KIAA0513: variants seen among roughly 807,000 people sequenced by gnomAD.
KIAA0513 encodes KIAA0513.
KIAA0513 carries 39 observed loss-of-function variants against 56.5 expected under a neutral mutation model. That is an observed-to-expected ratio of 0.69 (90% confidence interval 0.53 to 0.90). KIAA0513 has a LOEUF of 0.90. Among genes scored for constraint, KIAA0513 ranks in the 40% least tolerant of loss-of-function variants. The pLI, the probability that KIAA0513 is intolerant of heterozygous loss-of-function variation, is 0.00. For synonymous variants in KIAA0513, 268 were observed against 215.6 expected (o/e 1.24, Z -2.13); for missense variants, 591 against 535.2 (o/e 1.10, Z -1.03).
intron 1 of KIAA0513, among the ~76,000 whole-genome samples, chr16:85,060,706 T>G (rs2073391742): frequency 6.6e-6 from 1 of 151,862 alleles, no homozygotes; most frequent in African/African-American, 2.4e-5. Flanking sequence ...TAGCCAGGTG[T>G]GGTAGCACAT....
At chr16:85,040,818 A>T (rs932862840) in intron 1 of KIAA0513, among the ~76,000 whole-genome samples, 4 of 152,232 alleles carry the variant, frequency 2.6e-5, no homozygotes, top group African/African-American at 9.6e-5. Context: ...TAGAGAAGCC[A>T]TCTAGAGAAG....
In KIAA0513 at chr16:85,076,591, CCT is replaced by C. The variant is rs1212551099; in HGVS notation, c.574+683_574+684del. ...GCTAGGCCCTGGTCCCCCGTGCTTT[CCT>C]CTCTCGGGACCCGCGTGCTCACTCT... On this transcript the variant is annotated intron_variant, in intron 5 of 12. Transcript: ENST00000683363. The surrounding 1 kb of genome is among the most constrained non-coding windows in gnomAD (Gnocchi z 4.7). Among the ~76,000 whole-genome samples the C allele has an allele frequency of 2.0e-5, 3 of 152,242 alleles. No homozygotes were observed. Among genetic ancestry groups the C allele is most frequent in the Admixed American group, 6.5e-5 (1 of 15,298 alleles).
chr16:85,065,874 C>A (rs1185411793), intron 1 of KIAA0513, among the ~76,000 whole-genome samples: 1 of 152,184 alleles, frequency 6.6e-6, no homozygotes, highest in African/African-American at 2.4e-5. Flanking sequence ...GATTCAGATC[C>A]CAGCTCTGCC....
At position 85,081,272 on chromosome 16, in the gene KIAA0513, C is replaced by T. The variant is rs375519850; in HGVS notation, c.903-43C>T. On this transcript the variant is annotated intron_variant, in intron 8 of 12. Transcript: ENST00000683363. The surrounding 1 kb of genome is among the most constrained non-coding windows in gnomAD (Gnocchi z 4.4). ...AGGGGCCCACAACCCGTGTCCTCCC[C>T]GCCTCCCCTTGGAGAGAGTGTGACT... is the stretch of plus-strand genomic sequence containing the variant. 2.3e-5 allele frequency: 36 copies of T among 1,588,728 alleles called. No individual in the cohort carries two copies. In the African/African-American group the frequency reaches 2.6e-4, roughly 11 times the overall value.
chr16:85,079,922 G>A (rs1439209355), intron 8 of KIAA0513, among the ~76,000 whole-genome samples: 1 of 152,136 alleles, frequency 6.6e-6, no homozygotes, highest in Admixed American at 6.6e-5. Flanking sequence ...TGGTCGTGCT[G>A]CGTTAATCTC....
At position 85,081,341 on chromosome 16, in the gene KIAA0513, C is replaced by G. The variant is rs746182116; in HGVS notation, c.929C>G (p.Ala310Gly). 4.4e-6 allele frequency: 7 copies of G among 1,605,358 alleles called. No individual in the cohort carries two copies. The highest frequency in any genetic ancestry group is 6.0e-6 in the Non-Finnish European group (7 of 1,176,038). Residue 310 changes from alanine (A) to glycine (G), a missense_variant, in exon 9 of 13, where the codon GCC becomes GGC. Transcript: ENST00000683363. The surrounding 1 kb of genome is among the most constrained non-coding windows in gnomAD (Gnocchi z 4.4). ...IWHTLRFWNA[A>G]FFDAVHCERT... Reference sequence around the variant, plus strand: ...CACACTCTGAGGTTCTGGAATGCAGCCTTTTTTGACGCTGTCCATTGTGAG... The same window carrying G: ...CACACTCTGAGGTTCTGGAATGCAGGCTTTTTTGACGCTGTCCATTGTGAG...
At chr16:85,032,942 A>G (rs1317552599) in intron 1 of KIAA0513, among the ~76,000 whole-genome samples, 2 of 151,904 alleles carry the variant, frequency 1.3e-5, no homozygotes, top group Non-Finnish European at 1.5e-5. Flanking sequence ...CAGAGACCCT[A>G]TTTTCAATTA....
chr16:85,056,212 G>T (rs1257451623), intron 1 of KIAA0513, among the ~76,000 whole-genome samples: 1 of 152,220 alleles, frequency 6.6e-6, no homozygotes, highest in Non-Finnish European at 1.5e-5. Flanking sequence ...TCCCAGACAT[G>T]GATCCTAAAC....
chr16:85,027,953 G>A (rs1377042415), intron 1 of KIAA0513, 95 bp downstream of exon 1: 1 of 152,184 alleles, frequency 6.6e-6, no homozygotes, highest in East Asian at 1.9e-4. Flanking sequence ...GGTCTGCGAG[G>A]GGTGACAGCT....
intron 10 of KIAA0513, among the ~76,000 whole-genome samples, chr16:85,085,269 A>AG (rs1469513900): frequency 6.6e-6 from 1 of 152,232 alleles, no homozygotes; most frequent in Non-Finnish European, 1.5e-5. Flanking sequence ...CGGCACGAGG[A>AG]GGCTGGGAGT....
intron 4 of KIAA0513, among the ~76,000 whole-genome samples, chr16:85,073,952 TTTTTG>T (rs71265168): frequency 2.0e-5 from 3 of 150,884 alleles, no homozygotes; most frequent in Admixed American, 6.6e-5. Context: ...TGTGTCGTTT[TTTTTG>T]TTTTGTTTTG....
At position 85,068,596 on chromosome 16, in the gene KIAA0513, T is replaced by C. The variant is rs199949478; in HGVS notation, c.329+1196T>C. Among the ~76,000 whole-genome samples the C allele has an allele frequency of 1.3e-4, 19 of 151,474 alleles. No homozygotes were observed. In the East Asian group the frequency reaches 3.1e-3, roughly 25 times the overall value. The stretch of plus-strand genomic sequence containing the variant: ...ATCCGCCTGCCTTAGCCTCCCAAAG[T>C]GCTGAGATTACAGGTGTGAGCCACC... On this transcript the variant is annotated intron_variant, in intron 2 of 12. Coordinates refer to ENST00000683363, the MANE Select transcript of KIAA0513 (RefSeq NM_001388359.1).
Position 85,081,376 on chromosome 16 carries a change from C to T in KIAA0513, c.964C>T (p.Arg322Ter), listed in dbSNP as rs1482534716. 3 of 1,572,794 alleles carry T rather than the reference C, an allele frequency of 1.9e-6. No individual in the cohort carries two copies. Among genetic ancestry groups the T allele is most frequent in the Non-Finnish European group, 2.6e-6 (3 of 1,158,604 alleles). ...CGCTGTCCATTGTGAGAGGACAAAG[C>T]GATCTCCCACTACCAGGTAGGAGCA... ...FDAVHCERTK[R>*]SPTTRGDAGE... The change falls in exon 9 of 13, where the codon CGA (arginine) becomes TGA (stop). Residue 322 changes from arginine to a stop codon, truncating the protein, a stop_gained. Coordinates refer to ENST00000683363, the MANE Select transcript of KIAA0513 (RefSeq NM_001388359.1). LOFTEE classifies it high-confidence loss of function. The surrounding 1 kb of genome is among the most constrained non-coding windows in gnomAD (Gnocchi z 4.4).
At chr16:85,038,134 G>T (rs761214308) in intron 1 of KIAA0513, among the ~76,000 whole-genome samples, 1 of 152,056 alleles carries the variant, frequency 6.6e-6, no homozygotes, top group African/African-American at 2.4e-5. Flanking sequence ...CTCCTTCCAC[G>T]CCACCTCTGT....
chr16:85,033,598 C>G (rs984227417), intron 1 of KIAA0513, among the ~76,000 whole-genome samples: 2 of 151,972 alleles, frequency 1.3e-5, no homozygotes, highest in African/African-American at 4.8e-5. Context: ...ACTTCTGCAT[C>G]TCATATCTGA....
intron 12 of KIAA0513, 118 bp from the exon 13 acceptor site, chr16:85,088,158 G>A: frequency 1.1e-6 from 1 of 875,730 alleles, no homozygotes; most frequent in Non-Finnish European, 1.9e-6. Context: ...TGTGGTTCAG[G>A]AGCTGCAGCC....
rs1362665821 is a variant in KIAA0513 at position 85,067,298 on chromosome 16, A to T, written c.227A>T (p.Glu76Val). The change falls in exon 2 of 13, where the codon GAG becomes GTG. Residue 76 changes from glutamate to valine, a missense_variant. Glu to Val is a moderately radical substitution (Grantham distance 121, BLOSUM62 -2). Coordinates refer to ENST00000683363, the MANE Select transcript of KIAA0513 (RefSeq NM_001388359.1). ...WDQDRRSSSNESFSSNQSTES... is the reference protein window; with the variant it reads ...WDQDRRSSSNVSFSSNQSTES... ...CAAGACCGCCGTTCCTCCTCCAACG[A>T]GTCCTTCTCCTCCAACCAGAGCACC... 6.2e-7 allele frequency: 1 copy of T among 1,613,538 alleles called. No homozygotes were observed. The highest frequency in any genetic ancestry group is 1.7e-5 in the Admixed American group (1 of 60,020).
At chr16:85,034,563 G>T (rs2073009365) in intron 1 of KIAA0513, among the ~76,000 whole-genome samples, 1 of 152,140 alleles carries the variant, frequency 6.6e-6, no homozygotes, top group African/African-American at 2.4e-5. Flanking sequence ...CACTCGGTAG[G>T]GTTTGCCCTG....
intron 4 of KIAA0513, among the ~76,000 whole-genome samples, chr16:85,073,212 G>C (rs1002259054): frequency 6.6e-6 from 1 of 152,140 alleles, no homozygotes; most frequent in African/African-American, 2.4e-5. Context: ...AGCTGGCAGC[G>C]AATGAGAGGG....
Sources: gnomAD v4.1 joint callset for allele counts (sites outside exome capture counted in the v4.1 genomes callset) on GRCh38, gnomAD v4.1.1 for gene constraint, Gnocchi (gnomAD v3.1) non-coding constraint, MANE v1.5 for transcripts, NCBI Gene and HGNC (gene_info 2026-07-23, HGNC 2026-07-21) for gene names.